TNFRSF11A: variants seen among roughly 807,000 people sequenced by gnomAD.
The protein encoded by TNFRSF11A is TNF receptor superfamily member 11a.
Under a neutral mutation model 55.7 loss-of-function variants are expected in TNFRSF11A, and 32 were observed. The observed-to-expected ratio is 0.57, with a 90% CI of 0.43 to 0.77. The LOEUF (loss-of-function observed/expected upper bound fraction) is 0.77. TNFRSF11A is among the 30% of genes least tolerant of loss of function. The probability of loss-of-function intolerance (pLI) is 0.00; values close to 1 mark genes in which losing one functional copy is unlikely to be tolerated. For synonymous variants in TNFRSF11A, 311 were observed against 331.0 expected (o/e 0.94, Z 0.65); for missense variants, 753 against 809.8 (o/e 0.93, Z 0.85).
chr18:62,334,887 T>A (rs995338220), intron 1 of TNFRSF11A, among the ~76,000 whole-genome samples: 44 of 152,120 alleles, frequency 2.9e-4, no homozygotes, highest in African/African-American at 9.9e-4. Context: ...GTGTCACTAA[T>A]GCACAGTGGC....
intron 7 of TNFRSF11A, among the ~76,000 whole-genome samples, chr18:62,362,162 G>A (rs370811483): frequency 2.6e-5 from 4 of 152,054 alleles, no homozygotes; most frequent in African/African-American, 7.2e-5. Flanking sequence ...TAGATGACCG[G>A]TAGGGGGGAA....
chr18:62,369,377 C>T lies in TNFRSF11A; in HGVS notation c.1460C>T (p.Thr487Met), dbSNP rs751561139. 7.4e-6 allele frequency: 12 copies of T among 1,611,194 alleles called. No individual in the cohort carries two copies. In the Admixed American group the frequency reaches 1.2e-4, roughly 16 times the overall value. The change falls in exon 9 of 10, where the codon ACG becomes ATG. Residue 487 changes from threonine (T) to methionine (M), a missense_variant. This residue lies in a region of TNFRSF11A where 567 missense variants were observed against 596.7 expected (regional missense o/e 0.95). Transcript: ENST00000586569. ...CCCCCTGAAGAAGAAGCCAGCAGGACGGAGGCCAGAGACCAGCCCGAGGAT... is the reference window on the plus strand; with the variant it reads ...CCCCCTGAAGAAGAAGCCAGCAGGATGGAGGCCAGAGACCAGCCCGAGGAT... ...GLPPEEEASRTEARDQPEDGA... is the reference protein window; with the variant it reads ...GLPPEEEASRMEARDQPEDGA...
intron 1 of TNFRSF11A, among the ~76,000 whole-genome samples, chr18:62,340,693 G>C (rs1309417472): frequency 6.6e-6 from 1 of 151,954 alleles, no homozygotes; most frequent in African/African-American, 2.4e-5. Flanking sequence ...AAACACTCAG[G>C]GCATTTTCTG....
rs947517368 is a variant in TNFRSF11A, at chr18:62,377,005, C to T, written c.1567+7521C>T. Among the ~76,000 whole-genome samples the T allele has an allele frequency of 4.6e-5, 7 of 152,184 alleles. No homozygotes were observed. In the East Asian group the frequency reaches 1.2e-3, roughly 25 times the overall value. ...TCTTGGCTCACTGCAGGCCCCGCCT[C>T]CGGGTTCATGCCATTCTCCTGCCTC... On this transcript the variant is annotated intron_variant, in intron 9 of 9. Transcript: ENST00000586569.
chr18:62,383,304 A>G lies in TNFRSF11A; in HGVS notation c.1568-1447A>G, dbSNP rs1911428362. ...TTTGGTCTTGGCTTCTCTAGAGGTT[A>G]CCCAGTGGGTCAGGGGAAGGCTCCT... On this transcript the variant is annotated intron_variant, in intron 9 of 9. Transcript: ENST00000586569. This position sits in a 1 kb window ranked among gnomAD's most constrained non-coding sequence, Gnocchi z 4.2. Among the ~76,000 whole-genome samples, 1 of 152,136 alleles carries G rather than the reference A, an allele frequency of 6.6e-6. No homozygotes were observed. The highest frequency in any genetic ancestry group is 2.4e-5 in the African/African-American group (1 of 41,420).
chr18:62,358,759 G>A (rs745888833), intron 5 of TNFRSF11A, among the ~76,000 whole-genome samples: 5 of 152,094 alleles, frequency 3.3e-5, no homozygotes, highest in East Asian at 1.9e-4. Flanking sequence ...TGTCAACATC[G>A]TGGGGTTTTT....
intron 9 of TNFRSF11A, among the ~76,000 whole-genome samples, chr18:62,376,597 C>A (rs1021933147): frequency 1.3e-5 from 2 of 152,092 alleles, no homozygotes; most frequent in Non-Finnish European, 2.9e-5. Flanking sequence ...ACTTGACGAG[C>A]GCATATTGAC....
At chr18:62,384,722 C>T (rs1353553795) in intron 9 of TNFRSF11A, 29 bp from the exon 10 acceptor site, 8 of 1,607,938 alleles carry the variant, frequency 5.0e-6, no homozygotes, top group Non-Finnish European at 6.8e-6. Flanking sequence ...GACTCACCCT[C>T]CCCGTGTTCT....
At chr18:62,348,695 C>T (rs1378305360) in intron 2 of TNFRSF11A, among the ~76,000 whole-genome samples, 2 of 152,128 alleles carry the variant, frequency 1.3e-5, no homozygotes, top group African/African-American at 2.4e-5. Context: ...TTCCATATAC[C>T]TGTTGAGGAG....
Position 62,325,493 on chromosome 18 carries a change from C to G in TNFRSF11A, c.75+66C>G. The G allele has an allele frequency of 9.2e-7, 1 of 1,081,696 alleles. No individual in the cohort carries two copies. Among genetic ancestry groups the G allele is most frequent in the Non-Finnish European group, 1.2e-6 (1 of 861,184 alleles). 67.0% of individuals were successfully genotyped at this position (1,081,696 alleles called of 1,614,324 possible). A position where few individuals can be genotyped will look rare whatever the true frequency, so the allele number is the denominator to read the frequency against. ...CCTCCTCGGGAGCCCCGGGAAGGGC[C>G]GGGGCCGGCGGCATCCTGGCTCCTC... On this transcript the variant is annotated intron_variant, in intron 1 of 9. Coordinates refer to ENST00000586569, the MANE Select transcript of TNFRSF11A (RefSeq NM_003839.4). The surrounding 1 kb of genome is among the most constrained non-coding windows in gnomAD (Gnocchi z 4.7).
Position 62,383,596 on chromosome 18 carries a change from T to C in TNFRSF11A, c.1568-1155T>C, listed in dbSNP as rs1911446667. Among the ~76,000 whole-genome samples, 1 of 152,056 alleles carries C rather than the reference T, an allele frequency of 6.6e-6. No individual in the cohort carries two copies. Among genetic ancestry groups the C allele is most frequent in the Non-Finnish European group, 1.5e-5 (1 of 68,002 alleles). ...CTAGATCTGCTTGGTTTGTGGCACT[T>C]TCCTAGACCAAAGTCTAGGAAATTT... is the stretch of plus-strand genomic sequence containing the variant. On this transcript the variant is annotated intron_variant, in intron 9 of 9. Transcript: ENST00000586569. The surrounding 1 kb of genome is among the most constrained non-coding windows in gnomAD (Gnocchi z 4.2).
intron 9 of TNFRSF11A, among the ~76,000 whole-genome samples, chr18:62,379,051 T>C (rs936008446): frequency 6.6e-6 from 1 of 152,146 alleles, no homozygotes; most frequent in African/African-American, 2.4e-5. Context: ...GCAGTTTTCA[T>C]CCTTGAACAG....
chr18:62,328,373 G>A (rs1371656349), intron 1 of TNFRSF11A, among the ~76,000 whole-genome samples: 2 of 151,810 alleles, frequency 1.3e-5, no homozygotes, highest in East Asian at 1.9e-4. Flanking sequence ...CCTATGTTGG[G>A]AGGATGGTGT....
Position 62,390,289 on chromosome 18 carries a change from A to C in TNFRSF11A, c.*5255A>C, listed in dbSNP as rs1247300745. ...AAGTTGTCATCTTCTGACATGACAC[A>C]CTGAGGGAAGTAGACTTACCCAATA... is the stretch of plus-strand genomic sequence containing the variant. On this transcript the variant is annotated 3_prime_UTR_variant, in exon 10 of 10. Coordinates refer to ENST00000586569, the MANE Select transcript of TNFRSF11A (RefSeq NM_003839.4). 1 of 152,270 alleles carries C rather than the reference A, an allele frequency of 6.6e-6. No homozygotes were observed. The highest frequency in any genetic ancestry group is 1.9e-4 in the East Asian group (1 of 5,206). 9.4% of individuals were successfully genotyped at this position (152,270 alleles called of 1,614,324 possible).
At chr18:62,369,944 T>C (rs529404779) in intron 9 of TNFRSF11A, among the ~76,000 whole-genome samples, 1 of 152,318 alleles carries the variant, frequency 6.6e-6, no homozygotes, top group Admixed American at 6.5e-5. Flanking sequence ...ACACACAAAA[T>C]TGTTTAGTTA....
chr18:62,332,623 A>G (rs755854298), intron 1 of TNFRSF11A, among the ~76,000 whole-genome samples: 1 of 152,202 alleles, frequency 6.6e-6, no homozygotes, highest in Non-Finnish European at 1.5e-5. Context: ...CAGTTGGTCA[A>G]TGTCTTCTTT....
In TNFRSF11A at chr18:62,383,354, C is replaced by T. The variant is rs755685422; in HGVS notation, c.1568-1397C>T. On this transcript the variant is annotated intron_variant, in intron 9 of 9. Transcript: ENST00000586569. This position sits in a 1 kb window ranked among gnomAD's most constrained non-coding sequence, Gnocchi z 4.2. ...TCAAAGGAATTTCCTACATGCGTATCGGTATTTTAGTCAGGCCATCCAAAA... is the reference window on the plus strand; with the variant it reads ...TCAAAGGAATTTCCTACATGCGTATTGGTATTTTAGTCAGGCCATCCAAAA... 1.3e-5 allele frequency among the ~76,000 whole-genome samples: 2 copies of T among 152,130 alleles called. No individual in the cohort carries two copies. The highest frequency in any genetic ancestry group is 1.9e-4 in the East Asian group (1 of 5,204).
chr18:62,351,656 A>T (rs1423468816), intron 3 of TNFRSF11A, among the ~76,000 whole-genome samples: 1 of 152,258 alleles, frequency 6.6e-6, no homozygotes, highest in Non-Finnish European at 1.5e-5. Context: ...AGTGCAGTAC[A>T]TATAGAAAAG....
chr18:62,356,536 A>C (rs907400122), intron 4 of TNFRSF11A, among the ~76,000 whole-genome samples: 2 of 152,164 alleles, frequency 1.3e-5, no homozygotes, highest in African/African-American at 4.8e-5. Context: ...TTTTGGACAA[A>C]ATAGGTTGAG....
Sources: gnomAD v4.1 joint callset for allele counts (sites outside exome capture counted in the v4.1 genomes callset) on GRCh38, gnomAD v4.1.1 for gene constraint, gnomAD v4.1.1 regional missense constraint, Gnocchi (gnomAD v3.1) non-coding constraint, MANE v1.5 for transcripts, NCBI Gene and HGNC (gene_info 2026-07-23, HGNC 2026-07-21) for gene names.